The following RGS7BP variants were observed in gnomAD, a reference collection of about 807,000 sequenced individuals.
RGS7BP encodes regulator of G protein signaling 7 binding protein.
RGS7BP carries 9 observed loss-of-function variants against 31.3 expected under a neutral mutation model. The ratio of observed to expected loss-of-function variants is 0.29; its 90% CI spans 0.17 to 0.50. RGS7BP has a LOEUF of 0.50. RGS7BP is among the 20% of genes least tolerant of loss of function. The pLI is 0.98. For missense variants in RGS7BP, 274 were observed against 322.0 expected (o/e 0.85, Z 1.14); for synonymous variants, 115 against 120.1 (o/e 0.96, Z 0.28).
chr5:64,538,352 T>C (rs1214899603), intron 2 of RGS7BP, among the ~76,000 whole-genome samples: 1 of 152,024 alleles, frequency 6.6e-6, no homozygotes, highest in Non-Finnish European at 1.5e-5. Flanking sequence ...TGCCACTTCA[T>C]AGTCAATCCC....
chr5:64,606,039 TAGAGAG>T (rs372992231), intron 5 of RGS7BP, among the ~76,000 whole-genome samples: 2 of 123,720 alleles, frequency 1.6e-5, no homozygotes, highest in African/African-American at 3.1e-5. Flanking sequence ...TATATATATA[TAGAGAG>T]AGAGAGAGAG....
At chr5:64,522,609 C>T (rs1259874397) in intron 2 of RGS7BP, among the ~76,000 whole-genome samples, 1 of 152,168 alleles carries the variant, frequency 6.6e-6, no homozygotes, top group Non-Finnish European at 1.5e-5. Flanking sequence ...ATAGCATGCA[C>T]CATAATGCAA....
intron 5 of RGS7BP, among the ~76,000 whole-genome samples, chr5:64,606,272 C>T (rs1743363104): frequency 6.6e-6 from 1 of 151,330 alleles, no homozygotes; most frequent in African/African-American, 2.4e-5. Flanking sequence ...TACACGTACA[C>T]ATTTTCCTTT....
intron 2 of RGS7BP, among the ~76,000 whole-genome samples, chr5:64,564,202 G>GC (rs1742118128): frequency 6.6e-6 from 1 of 152,108 alleles, no homozygotes; most frequent in African/African-American, 2.4e-5. Context: ...ATACCACCCT[G>GC]CCACTGGTCA....
intron 4 of RGS7BP, among the ~76,000 whole-genome samples, chr5:64,595,930 A>G (rs889252403): frequency 6.6e-6 from 1 of 152,204 alleles, no homozygotes; most frequent in African/African-American, 2.4e-5. Flanking sequence ...GATTTTGTAT[A>G]AGCTTGGAAA....
intron 3 of RGS7BP, among the ~76,000 whole-genome samples, chr5:64,579,112 A>G (rs1024769806): frequency 7.9e-5 from 12 of 152,226 alleles, no homozygotes; most frequent in African/African-American, 2.7e-4. Context: ...ATGCAAGTCC[A>G]AGAACTAGCT....
chr5:64,573,897 A>C lies in RGS7BP; in HGVS notation c.333-1877A>C, dbSNP rs1050800382. ...TATACATGTATCAAAACATCACACT[A>C]TATACCATAATATGTACAATTATTA... On this transcript the variant is annotated intron_variant, in intron 2 of 5. Coordinates refer to ENST00000334025, the MANE Select transcript of RGS7BP (RefSeq NM_001029875.3). Among the ~76,000 whole-genome samples the C allele has an allele frequency of 3.3e-5, 5 of 152,180 alleles. No individual in the cohort carries two copies. In the East Asian group the frequency reaches 9.6e-4, roughly 29 times the overall value.
chr5:64,559,941 AT>A (rs765783635), intron 2 of RGS7BP, among the ~76,000 whole-genome samples: 2 of 152,182 alleles, frequency 1.3e-5, no homozygotes, highest in Non-Finnish European at 2.9e-5. Context: ...AAAAACACTC[AT>A]TTTAGACAAG....
chr5:64,576,675 A>C (rs1352847779), intron 3 of RGS7BP, among the ~76,000 whole-genome samples: 1 of 152,150 alleles, frequency 6.6e-6, no homozygotes. Context: ...AATTCCATTG[A>C]CTGGTTAAGG....
intron 4 of RGS7BP, among the ~76,000 whole-genome samples, chr5:64,597,434 T>C (rs938676960): frequency 6.6e-6 from 1 of 152,006 alleles, no homozygotes; most frequent in Non-Finnish European, 1.5e-5. Flanking sequence ...CTTGTTCCCA[T>C]ACTGCGCCCC....
At chr5:64,544,872 G>A (rs1741613540) in intron 2 of RGS7BP, among the ~76,000 whole-genome samples, 1 of 151,958 alleles carries the variant, frequency 6.6e-6, no homozygotes. Flanking sequence ...CATGTTGTAA[G>A]ACACATTAAA....
chr5:64,576,555 A>T (rs1742436811), intron 3 of RGS7BP, among the ~76,000 whole-genome samples: 1 of 152,204 alleles, frequency 6.6e-6, no homozygotes. Context: ...TGCACACCAC[A>T]CTGTCCTCTA....
chr5:64,570,903 A>G (rs1167104733), intron 2 of RGS7BP, among the ~76,000 whole-genome samples: 1 of 152,148 alleles, frequency 6.6e-6, no homozygotes, highest in Non-Finnish European at 1.5e-5. Context: ...TAAACAATTC[A>G]GCATACATAG....
intron 2 of RGS7BP, among the ~76,000 whole-genome samples, chr5:64,569,296 A>G (rs1208642349): frequency 1.3e-5 from 2 of 152,122 alleles, no homozygotes; most frequent in Non-Finnish European, 2.9e-5. Context: ...ATGAACAAAA[A>G]AAAACAACAA....
intron 2 of RGS7BP, among the ~76,000 whole-genome samples, chr5:64,570,294 T>G (rs1742274374): frequency 6.6e-6 from 1 of 152,138 alleles, no homozygotes; most frequent in Non-Finnish European, 1.5e-5. Context: ...ACACATGATT[T>G]CATTTGATCC....
At chr5:64,582,529 A>G (rs1742628749) in intron 3 of RGS7BP, among the ~76,000 whole-genome samples, 1 of 152,166 alleles carries the variant, frequency 6.6e-6, no homozygotes, top group Non-Finnish European at 1.5e-5. Context: ...AATTGTCCCC[A>G]GGTCCTTTGA....
chr5:64,517,709 C>T (rs1749011901), intron 2 of RGS7BP, among the ~76,000 whole-genome samples: 1 of 152,122 alleles, frequency 6.6e-6, no homozygotes, highest in African/African-American at 2.4e-5. Flanking sequence ...GATTTTGCTG[C>T]TTTTAAATGA....
At chr5:64,565,423 G>A (rs1423377828) in intron 2 of RGS7BP, among the ~76,000 whole-genome samples, 8 of 151,988 alleles carry the variant, frequency 5.3e-5, no homozygotes, top group Non-Finnish European at 1.2e-4. Context: ...ATGTTAGGAT[G>A]TTTACTTCTG....
In RGS7BP at chr5:64,565,870, T is replaced by C. The variant is rs541978069; in HGVS notation, c.333-9904T>C. On this transcript the variant is annotated intron_variant, in intron 2 of 5. Coordinates refer to ENST00000334025, the MANE Select transcript of RGS7BP (RefSeq NM_001029875.3). ...GTAGAAAATAGATTTTACATCTGTC[T>C]AGATATATACATCTCATATTGGCAT... Among the ~76,000 whole-genome samples, 4 of 152,308 alleles carry C rather than the reference T, an allele frequency of 2.6e-5. No individual in the cohort carries two copies. In the East Asian group the frequency reaches 7.7e-4, roughly 29 times the overall value.
Sources: allele counts gnomAD v4.1 joint callset (sites outside exome capture counted in the v4.1 genomes callset), GRCh38; gene constraint gnomAD v4.1.1; transcripts MANE v1.5; gene names NCBI Gene and HGNC (gene_info 2026-07-23, HGNC 2026-07-21).